NDST3: variants seen among roughly 807,000 people sequenced by gnomAD.
NDST3 encodes bifunctional heparan sulfate N-deacetylase/N-sulfotransferase 3.
A neutral mutation model predicts 96.1 loss-of-function variants in NDST3; 58 were observed. The observed-to-expected ratio is 0.60, with a 90% CI of 0.49 to 0.75. The LOEUF (loss-of-function observed/expected upper bound fraction) is 0.75, where lower values mean the gene tolerates loss of function less well. NDST3 is among the 30% of genes least tolerant of loss of function. The probability of loss-of-function intolerance (pLI) is 0.00; values close to 1 mark genes in which losing one functional copy is unlikely to be tolerated. For synonymous variants in NDST3, 333 were observed against 359.7 expected, an observed-to-expected ratio of 0.93 and a Z score of 0.84; for missense variants, 788 against 1,034.2, an observed-to-expected ratio of 0.76 and a Z score of 3.27.
intron 6 of NDST3, among the ~76,000 whole-genome samples, chr4:118,214,446 T>C (rs1272911716): frequency 6.6e-6 from 1 of 152,222 alleles, no homozygotes; most frequent in Non-Finnish European, 1.5e-5. Flanking sequence ...GATTACATGC[T>C]GAAATGACAT....
At chr4:118,166,693 T>C (rs981817689) in intron 6 of NDST3, among the ~76,000 whole-genome samples, 1 of 151,974 alleles carries the variant, frequency 6.6e-6, no homozygotes, top group African/African-American at 2.4e-5. Context: ...TAAAAGGTTA[T>C]ACACCATGAC....
chr4:118,089,012 T>C (rs1049634646), intron 2 of NDST3, among the ~76,000 whole-genome samples: 1 of 151,934 alleles, frequency 6.6e-6, no homozygotes, highest in African/African-American at 2.4e-5. Flanking sequence ...TTAACTCCTA[T>C]CTGGAATTTG....
rs574662533 is a variant in NDST3 at position 118,257,311 on chromosome 4, G to A, written c.*1599G>A. Reference sequence around the variant, plus strand: ...GCACCACCACGCCCGGGTAATTTTTGTATTTTTAGTAGTGACAGGGTTTCA... The same window carrying A: ...GCACCACCACGCCCGGGTAATTTTTATATTTTTAGTAGTGACAGGGTTTCA... On this transcript the variant is annotated 3_prime_UTR_variant, in exon 14 of 14. Transcript: ENST00000296499. The A allele has an allele frequency of 6.6e-6, 1 of 152,102 alleles. No individual in the cohort carries two copies. Among genetic ancestry groups the A allele is most frequent in the South Asian group, 2.1e-4 (1 of 4,816 alleles). The allele number at this position is 152,102 out of a possible 1,614,324, so 9.4% of individuals were successfully genotyped here.
At position 118,156,776 on chromosome 4, in the gene NDST3, A is replaced by C. The variant is rs1734739378; in HGVS notation, c.1539+13092A>C. Among the ~76,000 whole-genome samples, 3 of 152,238 alleles carry C rather than the reference A, an allele frequency of 2.0e-5. No homozygotes were observed. In the South Asian group the frequency reaches 6.2e-4, roughly 31 times the overall value. On this transcript the variant is annotated intron_variant, in intron 6 of 13. Transcript: ENST00000296499. ...TTTCTTACCTACCAGATTAACAAAA[A>C]TTCAAATGATTGCTAAGATATTCTG...
chr4:118,219,809 C>A (rs1739418155), intron 6 of NDST3, among the ~76,000 whole-genome samples: 1 of 151,648 alleles, frequency 6.6e-6, no homozygotes, highest in South Asian at 2.1e-4. Flanking sequence ...TTAAACAAAT[C>A]TACAAGGAAA....
At chr4:118,244,254 T>C (rs1741173409) in intron 12 of NDST3, among the ~76,000 whole-genome samples, 1 of 152,202 alleles carries the variant, frequency 6.6e-6, no homozygotes, top group Admixed American at 6.5e-5. Context: ...ATGCCCTTTG[T>C]AGTTGTTTAT....
chr4:118,080,595 A>G (rs1185717690), intron 2 of NDST3, among the ~76,000 whole-genome samples: 1 of 152,110 alleles, frequency 6.6e-6, no homozygotes, highest in Non-Finnish European at 1.5e-5. Context: ...TCTGGATCAC[A>G]AACTGCCCTC....
chr4:118,129,403 T>G (rs1732407239), intron 4 of NDST3, among the ~76,000 whole-genome samples: 1 of 151,950 alleles, frequency 6.6e-6, no homozygotes, highest in Non-Finnish European at 1.5e-5. Context: ...TCATTTCTTT[T>G]CCAGAAAGTT....
intron 6 of NDST3, among the ~76,000 whole-genome samples, chr4:118,179,207 C>T (rs532870799): frequency 9.9e-5 from 15 of 151,984 alleles, no homozygotes; most frequent in African/African-American, 2.9e-4. Flanking sequence ...TTACAAATAT[C>T]TTTAAAAAGA....
chr4:118,102,504 T>C (rs1444004520), intron 2 of NDST3, among the ~76,000 whole-genome samples: 1 of 152,158 alleles, frequency 6.6e-6, no homozygotes, highest in African/African-American at 2.4e-5. Context: ...TTAGACATGT[T>C]GCATATACAG....
chr4:118,147,215 A>G (rs1038163905), intron 6 of NDST3, among the ~76,000 whole-genome samples: 17 of 152,164 alleles, frequency 1.1e-4, no homozygotes, highest in Non-Finnish European at 2.1e-4. Context: ...CCCCAGAAAA[A>G]TACTGACTCT....
intron 2 of NDST3, among the ~76,000 whole-genome samples, chr4:118,102,420 T>C (rs1729836302): frequency 6.6e-6 from 1 of 152,076 alleles, no homozygotes; most frequent in African/African-American, 2.4e-5. Context: ...AGAATACATG[T>C]GGTTTTCTGT....
rs149073812 is a variant in NDST3, at chr4:118,196,669, A to G, written c.1540-27822A>G. 5.1e-3 allele frequency among the ~76,000 whole-genome samples: 773 copies of G among 151,930 alleles called. 7 individuals are homozygous for G. Among genetic ancestry groups the G allele is most frequent in the African/African-American group, 0.018 (736 of 41,428 alleles). On this transcript the variant is annotated intron_variant, in intron 6 of 13. Coordinates refer to ENST00000296499, the MANE Select transcript of NDST3 (RefSeq NM_004784.3). Reference sequence around the variant, plus strand: ...ACAGTAGCCAGAAATTATCATATGAATTTCTGCATTATCAGTTATAATATC... The same window carrying G: ...ACAGTAGCCAGAAATTATCATATGAGTTTCTGCATTATCAGTTATAATATC...
Position 118,053,814 on chromosome 4 carries a change from A to T in NDST3, c.-97A>T, listed in dbSNP as rs1040121225. Reference sequence around the variant, plus strand: ...CAAATGAGCTGCAATGGTGACATAAACTCTTGACAGAGATTGGAAAAGTAG... The same window carrying T: ...CAAATGAGCTGCAATGGTGACATAATCTCTTGACAGAGATTGGAAAAGTAG... On this transcript the variant is annotated 5_prime_UTR_variant, in exon 2 of 14. Transcript: ENST00000296499. 6 of 1,350,848 alleles carry T rather than the reference A, an allele frequency of 4.4e-6. No individual in the cohort carries two copies. Among genetic ancestry groups the T allele is most frequent in the Non-Finnish European group, 6.0e-6 (6 of 996,592 alleles). 83.7% of individuals were successfully genotyped at this position (1,350,848 alleles called of 1,614,324 possible). A position where few individuals can be genotyped will look rare whatever the true frequency, so the allele number is the denominator to read the frequency against.
chr4:118,093,315 A>G (rs1463348139), intron 2 of NDST3, among the ~76,000 whole-genome samples: 1 of 151,870 alleles, frequency 6.6e-6, no homozygotes, highest in African/African-American at 2.4e-5. Flanking sequence ...TCACTGGATC[A>G]TGGGTCTAAT....
Position 118,217,717 on chromosome 4 carries a change from A to G in NDST3, c.1540-6774A>G, listed in dbSNP as rs184035494. ...TAGCCCTTAAAACGTCATGAAATAAAGCAAAAGTGAATGTGAAAGGCAGCC... is the reference window on the plus strand; with the variant it reads ...TAGCCCTTAAAACGTCATGAAATAAGGCAAAAGTGAATGTGAAAGGCAGCC... On this transcript the variant is annotated intron_variant, in intron 6 of 13. Transcript: ENST00000296499. 1.6e-4 allele frequency among the ~76,000 whole-genome samples: 24 copies of G among 152,166 alleles called. No homozygotes were observed. In the East Asian group the frequency reaches 4.0e-3, roughly 26 times the overall value.
intron 2 of NDST3, among the ~76,000 whole-genome samples, chr4:118,090,548 T>C (rs1728782165): frequency 6.6e-6 from 1 of 151,920 alleles, no homozygotes; most frequent in Non-Finnish European, 1.5e-5. Flanking sequence ...CTTGAAATGG[T>C]ACAAGTTGGG....
chr4:118,104,018 C>T (rs1402911096), intron 2 of NDST3, among the ~76,000 whole-genome samples: 3 of 152,028 alleles, frequency 2.0e-5, no homozygotes, highest in African/African-American at 7.2e-5. Context: ...TGCTTATGAT[C>T]CAAAAAAGTT....
At chr4:118,042,222 T>C (rs1011713647) in intron 1 of NDST3, among the ~76,000 whole-genome samples, 12 of 152,228 alleles carry the variant, frequency 7.9e-5, no homozygotes, top group Non-Finnish European at 1.3e-4. Flanking sequence ...GTTTCTATTA[T>C]ACTGGCATCT....
Sources: allele counts gnomAD v4.1 joint callset (sites outside exome capture counted in the v4.1 genomes callset), GRCh38; gene constraint gnomAD v4.1.1; transcripts MANE v1.5; gene names NCBI Gene and HGNC (gene_info 2026-07-23, HGNC 2026-07-21).